EHBP1: variants seen among roughly 807,000 people sequenced by gnomAD.
The protein encoded by EHBP1 is EH domain binding protein 1, also known as EH domain-binding protein 1.
In EHBP1, 55 loss-of-function variants were observed where a neutral mutation model predicts 144.0. That is an observed-to-expected ratio of 0.38 (90% CI 0.31 to 0.48). EHBP1 has a LOEUF of 0.48. Among genes scored for constraint, EHBP1 ranks in the 20% least tolerant of loss-of-function variants. EHBP1 has a pLI of 0.98. For missense variants in EHBP1, 1,200 were observed against 1,364.2 expected (o/e 0.88, Z 1.90); for synonymous variants, 469 against 472.7 (o/e 0.99, Z 0.10).
chr2:62,796,499 A>G (rs552432700), intron 5 of EHBP1, among the ~76,000 whole-genome samples: 1 of 152,190 alleles, frequency 6.6e-6, no homozygotes, highest in Non-Finnish European at 1.5e-5. Context: ...AACCATATAC[A>G]TGGATACTTT....
chr2:62,723,124 C>A (rs1284602989), intron 2 of EHBP1, among the ~76,000 whole-genome samples: 1 of 152,106 alleles, frequency 6.6e-6, no homozygotes, highest in Admixed American at 6.5e-5. Flanking sequence ...TTCCACAAGT[C>A]TCTTTGAAGG....
At chr2:62,908,928 G>A (rs1406896865) in intron 10 of EHBP1, among the ~76,000 whole-genome samples, 2 of 152,158 alleles carry the variant, frequency 1.3e-5, no homozygotes, top group African/African-American at 4.8e-5. Flanking sequence ...CCTAGAACCA[G>A]TGGTTGGCAC....
intron 19 of EHBP1, 31 bp downstream of exon 19, chr2:62,996,797 T>C (rs750005300): frequency 1.2e-6 from 2 of 1,601,408 alleles, no homozygotes; most frequent in South Asian, 2.3e-5. Flanking sequence ...GTAAACAGTT[T>C]TGGCAAATTG....
intron 9 of EHBP1, 45 bp downstream of exon 9, chr2:62,865,016 T>C: frequency 6.3e-7 from 1 of 1,590,122 alleles, no homozygotes; most frequent in South Asian, 1.1e-5. Flanking sequence ...AGTCTCTATG[T>C]TACCTAAAGA....
intron 2 of EHBP1, among the ~76,000 whole-genome samples, chr2:62,713,582 G>A (rs2035371747): frequency 6.6e-6 from 1 of 152,120 alleles, no homozygotes; most frequent in African/African-American, 2.4e-5. Flanking sequence ...GAGAGATGGG[G>A]CAGAAGGTTA....
intron 7 of EHBP1, among the ~76,000 whole-genome samples, chr2:62,856,887 C>T (rs773069453): frequency 6.6e-6 from 1 of 152,038 alleles, no homozygotes; most frequent in African/African-American, 2.4e-5. Flanking sequence ...CTAGGTTATC[C>T]GTGTGACTCA....
chr2:62,815,942 G>A (rs1055604228), intron 5 of EHBP1, among the ~76,000 whole-genome samples: 65 of 152,294 alleles, frequency 4.3e-4, no homozygotes, highest in African/African-American at 1.6e-3. Context: ...CAGTATGCAT[G>A]ATAGAGCAAT....
intron 19 of EHBP1, among the ~76,000 whole-genome samples, chr2:63,008,612 GTTT>G (rs887859091): frequency 7.1e-6 from 1 of 141,594 alleles, no homozygotes; most frequent in South Asian, 2.2e-4. Context: ...GTACCTAGAG[GTTT>G]TTTTTTCTTT....
intron 10 of EHBP1, among the ~76,000 whole-genome samples, chr2:62,895,458 A>T (rs930156323): frequency 3.3e-5 from 5 of 152,090 alleles, no homozygotes; most frequent in African/African-American, 1.2e-4. Context: ...TTCTGCTGTT[A>T]CTGATACTTT....
At chr2:62,783,291 G>A (rs760181727) in intron 5 of EHBP1, among the ~76,000 whole-genome samples, 11 of 152,180 alleles carry the variant, frequency 7.2e-5, no homozygotes, top group Non-Finnish European at 1.6e-4. Context: ...GGTGCACAGT[G>A]CAACCTCTCA....
chr2:62,988,294 A>G (rs1452065936), intron 15 of EHBP1, among the ~76,000 whole-genome samples: 1 of 152,064 alleles, frequency 6.6e-6, no homozygotes, highest in African/African-American at 2.4e-5. Flanking sequence ...ATTGTATTTT[A>G]TGTTATGTGA....
At chr2:62,886,127 C>G (rs1313736641) in intron 10 of EHBP1, among the ~76,000 whole-genome samples, 1 of 152,152 alleles carries the variant, frequency 6.6e-6, no homozygotes, top group Non-Finnish European at 1.5e-5. Context: ...CAGCTTTTCA[C>G]CTTATATAAT....
At chr2:63,034,942 AGTCTGATG>A (rs2061395134) in intron 19 of EHBP1, among the ~76,000 whole-genome samples, 1 of 152,110 alleles carries the variant, frequency 6.6e-6, no homozygotes. Context: ...GCCCTTTAAA[AGTCTGATG>A]GACAAATTGG....
intron 11 of EHBP1, 46 bp downstream of exon 11, chr2:62,942,942 C>G (rs758828137): frequency 7.5e-7 from 1 of 1,340,934 alleles, no homozygotes; most frequent in Non-Finnish European, 1.0e-6. Flanking sequence ...AAGTGATAGA[C>G]ATTTTTGAAA....
chr2:63,017,538 CATTTGCAACCAAGTACTTGGT>C (rs753875741), intron 19 of EHBP1, among the ~76,000 whole-genome samples: 36 of 152,150 alleles, frequency 2.4e-4, no homozygotes, highest in Admixed American at 5.9e-4. Context: ...TGGAGTATAA[CATTTGCAACCAAGTACTTGGT>C]ATTTGCAACC....
intron 1 of EHBP1, among the ~76,000 whole-genome samples, chr2:62,681,332 G>GTA (rs1442662752): frequency 0.075 from 1,794 of 24,068 alleles, 64 homozygotes; most frequent in African/African-American, 0.27. Context: ...TTGTATGTAT[G>GTA]TGTGTGTGTA....
intron 1 of EHBP1, among the ~76,000 whole-genome samples, chr2:62,689,657 C>T (rs1186723781): frequency 6.6e-6 from 1 of 152,156 alleles, no homozygotes; most frequent in Admixed American, 6.5e-5. Flanking sequence ...CAGAGCAAGA[C>T]TCTGTCTCAA....
At chr2:62,745,557 T>C (rs541282223) in intron 2 of EHBP1, among the ~76,000 whole-genome samples, 7 of 151,964 alleles carry the variant, frequency 4.6e-5, no homozygotes, top group Admixed American at 4.6e-4. Context: ...TGAAGAAATA[T>C]GTGTTCAGGG....
intron 10 of EHBP1, among the ~76,000 whole-genome samples, chr2:62,881,507 ACT>A (rs1302599721): frequency 6.6e-6 from 1 of 151,686 alleles, no homozygotes; most frequent in Non-Finnish European, 1.5e-5. Context: ...AGGAAAGGAA[ACT>A]CTAAAGCAGC....
Sources: allele counts gnomAD v4.1 joint callset (sites outside exome capture counted in the v4.1 genomes callset), GRCh38; gene constraint gnomAD v4.1.1; transcripts MANE v1.5; gene names NCBI Gene and HGNC (gene_info 2026-07-23, HGNC 2026-07-21).